The following SLC19A1 variants were observed in gnomAD, a reference collection of about 807,000 sequenced individuals.
The protein encoded by SLC19A1 is reduced folate transporter.
SLC19A1 carries 37 observed loss-of-function variants against 35.3 expected under a neutral mutation model. The ratio of observed to expected loss-of-function variants is 1.05; its 90% confidence interval spans 0.81 to 1.38. SLC19A1 has a LOEUF of 1.38. SLC19A1 is among the 40% of genes most tolerant of loss of function. The pLI, the probability that SLC19A1 is intolerant of heterozygous loss-of-function variation, is 0.00. For synonymous variants in SLC19A1, 460 were observed against 398.5 expected, an observed-to-expected ratio of 1.15 and a Z score of -1.84; for missense variants, 831 against 826.9, an observed-to-expected ratio of 1.00 and a Z score of -0.06.
intron 1 of SLC19A1, among the ~76,000 whole-genome samples, chr21:45,560,270 G>A (rs1293707177): frequency 6.6e-6 from 1 of 152,220 alleles, no homozygotes; most frequent in Non-Finnish European, 1.5e-5. Context: ...ACGTGCCCAC[G>A]GCTCAATGAG....
At chr21:45,512,150 A>C, downstream of SLC19A1, 1 of 1,589,004 alleles carries the variant, frequency 6.3e-7, no homozygotes, top group Non-Finnish European at 8.6e-7. Context: ...TAAGCAGAGC[A>C]GGTCTGGGTT....
chr21:45,512,891 T>A lies in SLC19A1; in HGVS notation c.*2767A>T. 1 of 213,378 alleles carries A rather than the reference T, an allele frequency of 4.7e-6. No homozygotes were observed. The highest frequency in any genetic ancestry group is 9.6e-6 in the Non-Finnish European group (1 of 104,114). 13.2% of individuals were successfully genotyped at this position (213,378 alleles called of 1,614,324 possible). On this transcript the variant is annotated 3_prime_UTR_variant, in exon 6 of 6. Transcript: ENST00000311124. ...GCCATCTGGGCTCCTCCAGGGTGTG[T>A]GCTCGCCCTGCGGTAGATGGGAGGG...
At chr21:45,555,881 G>A (rs2078556216) in intron 1 of SLC19A1, among the ~76,000 whole-genome samples, 1 of 152,152 alleles carries the variant, frequency 6.6e-6, no homozygotes, top group Non-Finnish European at 1.5e-5. Flanking sequence ...CCCAGTGAGT[G>A]ACATCACCGC....
chr21:45,525,076 G>A (rs560634764), intron 5 of SLC19A1, among the ~76,000 whole-genome samples: 24 of 152,248 alleles, frequency 1.6e-4, no homozygotes, highest in African/African-American at 5.5e-4. Flanking sequence ...GCCTGCTATT[G>A]CCCGGGCCTT....
downstream of SLC19A1, among the ~76,000 whole-genome samples, chr21:45,508,292 GTGGA>G (rs989894130): frequency 1.3e-5 from 2 of 150,310 alleles, no homozygotes; most frequent in African/African-American, 4.9e-5. Flanking sequence ...AGATGGGGAG[GTGGA>G]TGGGTGGTTG....
At chr21:45,507,724 C>A, downstream of SLC19A1, 1 of 870,570 alleles carries the variant, frequency 1.1e-6, no homozygotes, top group Non-Finnish European at 1.9e-6. Flanking sequence ...ACCATCAGCC[C>A]CTGCTGCAGA....
At chr21:45,527,049 T>C (rs2077645520) in intron 4 of SLC19A1, among the ~76,000 whole-genome samples, 1 of 152,268 alleles carries the variant, frequency 6.6e-6, no homozygotes, top group Non-Finnish European at 1.5e-5. Flanking sequence ...CAGAAAAGTC[T>C]AGAATGAAAG....
intron 1 of SLC19A1, among the ~76,000 whole-genome samples, chr21:45,542,033 C>A (rs1273509307): frequency 6.7e-6 from 1 of 149,230 alleles, no homozygotes; most frequent in African/African-American, 2.5e-5. Context: ...CGCCCCGCAC[C>A]CTCCCCAGGG....
upstream of SLC19A1, among the ~76,000 whole-genome samples, chr21:45,547,026 T>G (rs1263660495): frequency 6.6e-6 from 1 of 152,214 alleles, no homozygotes; most frequent in Non-Finnish European, 1.5e-5. Context: ...AATAAGGGCA[T>G]TTAGCAAGGT....
At chr21:45,554,549 A>C in intron 1 of SLC19A1, among the ~76,000 whole-genome samples, 1 of 108,508 alleles carries the variant, frequency 9.2e-6, no homozygotes, top group Non-Finnish European at 1.8e-5. Flanking sequence ...GGGGCCTCTG[A>C]GTGGAACCAC....
chr21:45,512,593 G>A lies in SLC19A1; in HGVS notation c.*3065C>T. Reference sequence around the variant, plus strand: ...ATTTTTTTAAAAGTTTAAAACAGAAGCCTGATGCTGACATTCACCTGCCCC... The same window carrying A: ...ATTTTTTTAAAAGTTTAAAACAGAAACCTGATGCTGACATTCACCTGCCCC... On this transcript the variant is annotated 3_prime_UTR_variant, in exon 6 of 6. Coordinates refer to ENST00000311124, the MANE Select transcript of SLC19A1 (RefSeq NM_194255.4). 1.6e-6 allele frequency: 1 copy of A among 630,154 alleles called. No homozygotes were observed. Among genetic ancestry groups the A allele is most frequent in the South Asian group, 1.9e-5 (1 of 51,456 alleles). 39.0% of individuals were successfully genotyped at this position (630,154 alleles called of 1,614,324 possible). A position where few individuals can be genotyped will look rare whatever the true frequency, so the allele number is the denominator to read the frequency against.
rs2037838844 is a variant in SLC19A1 at position 45,515,257 on chromosome 21, C to T, written c.*401G>A. Reference sequence around the variant, plus strand: ...TACACCTGAGGGTCCCGGCTCCCACCCTGCCCTAGAGGGCTCACAACTCCT... The same window carrying T: ...TACACCTGAGGGTCCCGGCTCCCACTCTGCCCTAGAGGGCTCACAACTCCT... On this transcript the variant is annotated 3_prime_UTR_variant, in exon 6 of 6. Transcript: ENST00000311124. The T allele has an allele frequency of 6.7e-7, 1 of 1,499,564 alleles. No individual in the cohort carries two copies. The highest frequency in any genetic ancestry group is 1.3e-5 in the South Asian group (1 of 76,710). The allele number at this position is 1,499,564 out of a possible 1,614,324, so 92.9% of individuals were successfully genotyped here. A position where few individuals can be genotyped will look rare whatever the true frequency, so the allele number is the denominator to read the frequency against.
chr21:45,535,832 T>C (rs2078093763), intron 2 of SLC19A1, among the ~76,000 whole-genome samples: 1 of 152,170 alleles, frequency 6.6e-6, no homozygotes, highest in African/African-American at 2.4e-5. Flanking sequence ...ACGTGGAACG[T>C]CTCTCAAGTC....
rs761603689 is a variant in SLC19A1 at position 45,539,311 on chromosome 21, C to T, written c.-49-1303G>A. Among the ~76,000 whole-genome samples the T allele has an allele frequency of 4.4e-4, 67 of 152,358 alleles. 1 individual carries two copies. Among genetic ancestry groups the T allele is most frequent in the South Asian group, 4.1e-4 (2 of 4,828 alleles). On this transcript the variant is annotated intron_variant, in intron 1 of 5. Transcript: ENST00000311124. The stretch of plus-strand genomic sequence containing the variant: ...GCACGTGGAAAGGCCATCTGCTGCT[C>T]AGGTGGGGTGGGGATGCAGCGCATG...
chr21:45,505,122 C>G (rs755471740), intron 3 of SLC19A1: 2 of 1,606,740 alleles, frequency 1.2e-6, no homozygotes, highest in Non-Finnish European at 1.7e-6. Context: ...CGTCTCTTGT[C>G]GCCGTCCGTA....
intron 2 of SLC19A1, among the ~76,000 whole-genome samples, chr21:45,535,694 C>T (rs992541508): frequency 3.5e-4 from 54 of 152,350 alleles, no homozygotes; most frequent in African/African-American, 1.2e-3. Flanking sequence ...GCTGCCAGCT[C>T]GTGCTCTACC....
At chr21:45,509,370 C>T (rs550594814), downstream of SLC19A1, 356 of 1,543,492 alleles carry the variant, frequency 2.3e-4, no homozygotes, top group African/African-American at 1.2e-3. Context: ...ATGAAGTGGC[C>T]GCCTTGCAGC....
rs1365675986 is a variant in SLC19A1, at chr21:45,530,707, C to A, written c.1151+63G>T. The A allele has an allele frequency of 6.7e-6, 10 of 1,496,862 alleles. No homozygotes were observed. In the African/African-American group the frequency reaches 8.5e-5, roughly 13 times the overall value. The allele number at this position is 1,496,862 out of a possible 1,614,324, so 92.7% of individuals were successfully genotyped here. A position where few individuals can be genotyped will look rare whatever the true frequency, so the allele number is the denominator to read the frequency against. ...GCAGCAGGAAGGTGGGAGCACCCAG[C>A]GAAGCGCGGGGCTTGATCCTGGCGC... On this transcript the variant is annotated intron_variant, in intron 4 of 5. Transcript: ENST00000311124. The surrounding 1 kb of genome is among the most constrained non-coding windows in gnomAD (Gnocchi z 5.3).
intron 2 of SLC19A1, among the ~76,000 whole-genome samples, chr21:45,537,166 C>T (rs555911710): frequency 2.0e-5 from 3 of 152,280 alleles, no homozygotes; most frequent in South Asian, 2.1e-4. Context: ...CACGGCCTGG[C>T]GGGTGGGGTG....
Sources: gnomAD v4.1 joint callset for allele counts (sites outside exome capture counted in the v4.1 genomes callset) on GRCh38, gnomAD v4.1.1 for gene constraint, Gnocchi (gnomAD v3.1) non-coding constraint, MANE v1.5 for transcripts, NCBI Gene and HGNC (gene_info 2026-07-23, HGNC 2026-07-21) for gene names.